Variants in DLGAP5 observed in about 807,000 individuals in gnomAD.
DLGAP5 encodes DLG associated protein 5.
DLGAP5 carries 90 observed loss-of-function variants against 99.6 expected under a neutral mutation model. That is an observed-to-expected ratio of 0.90 (90% CI 0.76 to 1.08). The LOEUF (loss-of-function observed/expected upper bound fraction) is 1.08, where lower values mean the gene tolerates loss of function less well. DLGAP5 is among the 50% of genes least tolerant of loss of function. The pLI is 0.00. For missense variants in DLGAP5, 1,036 were observed against 983.5 expected (o/e 1.05, Z -0.71); for synonymous variants, 311 against 321.3 (o/e 0.97, Z 0.34).
chr14:55,172,342 A>C (rs988873586), intron 10 of DLGAP5, among the ~76,000 whole-genome samples: 2 of 131,300 alleles, frequency 1.5e-5, no homozygotes, highest in African/African-American at 5.1e-5. Flanking sequence ...AAAAAATACA[A>C]AAAAAAAAAA....
chr14:55,187,291 A>G (rs1287362065), intron 2 of DLGAP5, among the ~76,000 whole-genome samples: 2 of 147,242 alleles, frequency 1.4e-5, no homozygotes, highest in African/African-American at 5.0e-5. Flanking sequence ...CCTATAATCT[A>G]TTCTCAACAC....
intron 7 of DLGAP5, among the ~76,000 whole-genome samples, chr14:55,178,263 T>C (rs913175765): frequency 2.0e-5 from 3 of 151,932 alleles, no homozygotes; most frequent in Non-Finnish European, 4.4e-5. Context: ...AAAAAAAAAT[T>C]ATGTTGATAA....
Position 55,148,417 on chromosome 14 carries a change from A to G in DLGAP5, c.2475T>C (p.His825=). 1 of 1,614,208 alleles carries G rather than the reference A, an allele frequency of 6.2e-7. No homozygotes were observed. The highest frequency in any genetic ancestry group is 8.5e-7 in the Non-Finnish European group (1 of 1,180,028). The change falls in exon 19 of 19, where the codon CAT becomes CAC. Residue 825 remains histidine (H), a synonymous_variant. Transcript: ENST00000247191. ...FTQLERRHQE[H]ARHISFGGNL... is the part of the protein sequence containing the mutation. ...TACCACCAAAAGAAATGTGTCTGGC[A>G]TGTTCTTGATGTCTCCTCTCCAGCT...
chr14:55,181,284 C>T lies in DLGAP5; in HGVS notation c.509G>A (p.Ser170Asn), dbSNP rs1325975506. The T allele has an allele frequency of 1.9e-6, 3 of 1,613,892 alleles. No homozygotes were observed. Among genetic ancestry groups the T allele is most frequent in the Non-Finnish European group, 2.5e-6 (3 of 1,179,950 alleles). The change falls in exon 5 of 19, where the codon AGT becomes AAT. Residue 170 changes from serine (S) to asparagine (N), a missense_variant. By Grantham distance (46) the Ser-to-Asn change is conservative (BLOSUM62 1). Transcript: ENST00000247191. ...QMEQTKIDNE[S>N]DVRAIRPGPR... ...ACCAGGTCGGATTGCTCGAACATCA[C>T]TCTCGTTATCAATCTATTTAAGAGA...
At chr14:55,156,974 A>C (rs1468713801) in intron 14 of DLGAP5, among the ~76,000 whole-genome samples, 1 of 152,248 alleles carries the variant, frequency 6.6e-6, no homozygotes, top group African/African-American at 2.4e-5. Context: ...AAAGTCTACC[A>C]GAAGAAAAAT....
At chr14:55,152,218 T>C (rs1274328771) in intron 16 of DLGAP5, among the ~76,000 whole-genome samples, 4 of 152,226 alleles carry the variant, frequency 2.6e-5, no homozygotes, top group Non-Finnish European at 5.9e-5. Flanking sequence ...GTAAATATTT[T>C]AGGTTTGTGA....
Position 55,177,111 on chromosome 14 carries a change from T to C in DLGAP5, c.1000A>G (p.Asn334Asp). The C allele has an allele frequency of 6.5e-7, 1 of 1,540,320 alleles. No individual in the cohort carries two copies. Among genetic ancestry groups the C allele is most frequent in the Non-Finnish European group, 8.7e-7 (1 of 1,149,104 alleles). ...GTGTAACTGGGTGTCAAAAAAGCATTGGCACTTCTGGGAGTCATAGGTGTT... is the reference window on the plus strand; with the variant it reads ...GTGTAACTGGGTGTCAAAAAAGCATCGGCACTTCTGGGAGTCATAGGTGTT... ...QVTPMTPRSANAFLTPSYTWT... is the reference protein window; with the variant it reads ...QVTPMTPRSADAFLTPSYTWT... Residue 334 changes from asparagine (N) to aspartate (D), a missense_variant, in exon 8 of 19, where the codon AAT (asparagine) becomes GAT (aspartate). By Grantham distance (23) the Asn-to-Asp change is conservative (BLOSUM62 1). Coordinates refer to ENST00000247191, the MANE Select transcript of DLGAP5 (RefSeq NM_014750.5).
At chr14:55,157,301 G>A (rs1882246716) in intron 14 of DLGAP5, among the ~76,000 whole-genome samples, 1 of 152,316 alleles carries the variant, frequency 6.6e-6, no homozygotes, top group South Asian at 2.1e-4. Flanking sequence ...AAACCACGAA[G>A]ATCCTTGACA....
In DLGAP5 at chr14:55,160,256, G is replaced by A. The variant is rs555787382; in HGVS notation, c.1654-1515C>T. The stretch of plus-strand genomic sequence containing the variant: ...ATACAAGAAAAAAAGTTAGCTGGGC[G>A]TGGTGGCACACGCCTGTAATCCCAG... On this transcript the variant is annotated intron_variant, in intron 13 of 18. Transcript: ENST00000247191. Among the ~76,000 whole-genome samples the A allele has an allele frequency of 2.6e-3, 390 of 150,250 alleles. 4 individuals are homozygous for A. The highest frequency in any genetic ancestry group is 2.6e-3 in the Non-Finnish European group (177 of 67,482).
At chr14:55,169,954 G>A (rs1237129920) in intron 11 of DLGAP5, among the ~76,000 whole-genome samples, 5 of 152,118 alleles carry the variant, frequency 3.3e-5, no homozygotes, top group Admixed American at 6.6e-5. Flanking sequence ...GGCCAACATG[G>A]TGAAACCCCA....
At chr14:55,165,945 T>C (rs1415902737) in intron 12 of DLGAP5, among the ~76,000 whole-genome samples, 5 of 152,240 alleles carry the variant, frequency 3.3e-5, no homozygotes, top group African/African-American at 9.6e-5. Context: ...CACTCATACA[T>C]TGTTGGTGGG....
intron 1 of DLGAP5, among the ~76,000 whole-genome samples, chr14:55,190,190 T>TG (rs1175883878): frequency 6.6e-6 from 1 of 152,052 alleles, no homozygotes; most frequent in African/African-American, 2.4e-5. Flanking sequence ...CCTACCACTT[T>TG]GGGAGGTCGA....
intron 7 of DLGAP5, 24 bp from the exon 8 acceptor site, chr14:55,177,360 G>C: frequency 6.5e-7 from 1 of 1,548,732 alleles, no homozygotes. Context: ...TAACAAAGTA[G>C]AGTAAGATTT....
At position 55,176,008 on chromosome 14, in the gene DLGAP5, G is replaced by C; in HGVS notation, c.1060C>G (p.Gln354Glu). The stretch of plus-strand genomic sequence containing the variant: ...TGTGCCAAAATTTCTTTTGTTGCTT[G>C]AGACTCATCACTAAAAACAATAGCA... ...TPLKTEVDESQATKEILAQKC... is the reference protein window; with the variant it reads ...TPLKTEVDESEATKEILAQKC... Residue 354 changes from glutamine (Q) to glutamate (E), a missense_variant, in exon 9 of 19, where the codon CAA becomes GAA. Coordinates refer to ENST00000247191, the MANE Select transcript of DLGAP5 (RefSeq NM_014750.5). 6.2e-7 allele frequency: 1 copy of C among 1,604,736 alleles called. No individual in the cohort carries two copies. Among genetic ancestry groups the C allele is most frequent in the Non-Finnish European group, 8.5e-7 (1 of 1,174,806 alleles).
chr14:55,175,286 T>C, intron 10 of DLGAP5, 60 bp downstream of exon 10: 1 of 1,519,874 alleles, frequency 6.6e-7, no homozygotes, highest in East Asian at 2.4e-5. Context: ...ATTTTTAGTT[T>C]TGGTTTTAAA....
Position 55,150,860 on chromosome 14 carries a change from CA to C in DLGAP5, c.2369-13del, listed in dbSNP as rs35448900. ...ATTATCAAATAGTTCTGAAAAACAA[CA>C]AAAAAAAACTTTTTAAAGAATATTC... On this transcript the variant is annotated splice_polypyrimidine_tract_variant and intron_variant, in intron 17 of 18. Coordinates refer to ENST00000247191, the MANE Select transcript of DLGAP5 (RefSeq NM_014750.5). 587,778 of 1,513,142 alleles carry C rather than the reference CA, an allele frequency of 0.39. 117,448 individuals carry two copies. The highest frequency in any genetic ancestry group is 0.41 in the African/African-American group (28,546 of 69,782). The allele number at this position is 1,513,142 out of a possible 1,614,324, so 93.7% of individuals were successfully genotyped here.
chr14:55,182,180 C>T (rs912891352), intron 4 of DLGAP5, among the ~76,000 whole-genome samples, 190 bp downstream of exon 4: 12 of 152,270 alleles, frequency 7.9e-5, no homozygotes, highest in South Asian at 2.1e-4. Flanking sequence ...GGATCTCATA[C>T]GGAATGTTGG....
intron 15 of DLGAP5, among the ~76,000 whole-genome samples, chr14:55,153,921 T>C (rs1238176406): frequency 2.6e-5 from 4 of 152,038 alleles, no homozygotes; most frequent in Admixed American, 6.6e-5. Context: ...CTGGGCGTGG[T>C]GGCGCGTGTC....
intron 2 of DLGAP5, among the ~76,000 whole-genome samples, chr14:55,185,302 C>A (rs187335511): frequency 6.6e-6 from 1 of 152,200 alleles, no homozygotes; most frequent in Non-Finnish European, 1.5e-5. Flanking sequence ...CGGGTTCAAG[C>A]GATTCTACTG....
Sources: allele counts gnomAD v4.1 joint callset (sites outside exome capture counted in the v4.1 genomes callset), GRCh38; gene constraint gnomAD v4.1.1; transcripts MANE v1.5; gene names NCBI Gene and HGNC (gene_info 2026-07-23, HGNC 2026-07-21).